EVL: variants seen among roughly 807,000 people sequenced by gnomAD.
The protein encoded by EVL is Enah/Vasp-like, also known as ena/VASP-like protein.
EVL carries 21 observed loss-of-function variants against 59.6 expected under a neutral mutation model. That is an observed-to-expected ratio of 0.35 (90% confidence interval 0.25 to 0.51). The LOEUF (loss-of-function observed/expected upper bound fraction) is 0.51. Among genes scored for constraint, EVL ranks in the 20% least tolerant of loss-of-function variants. EVL has a pLI of 0.97. For synonymous variants in EVL, 198 were observed against 203.5 expected (o/e 0.97, Z 0.23); for missense variants, 462 against 546.6 (o/e 0.85, Z 1.54).
At chr14:100,041,707 T>C (rs915630313) in intron 1 of EVL, among the ~76,000 whole-genome samples, 2 of 152,256 alleles carry the variant, frequency 1.3e-5, no homozygotes, top group Admixed American at 6.5e-5. Flanking sequence ...ATATTTTCAG[T>C]TGGGTATTGC....
chr14:100,071,863 C>T (rs955932828), intron 1 of EVL, among the ~76,000 whole-genome samples: 3 of 152,144 alleles, frequency 2.0e-5, no homozygotes, highest in African/African-American at 7.2e-5. Flanking sequence ...TGGGAACCTA[C>T]TTCTCACAGG....
intron 1 of EVL, among the ~76,000 whole-genome samples, chr14:100,077,217 A>G (rs1337368989): frequency 6.6e-6 from 1 of 152,190 alleles, no homozygotes; most frequent in Non-Finnish European, 1.5e-5. Flanking sequence ...TCTAAAATAA[A>G]TAACAAGGGC....
At chr14:100,103,465 C>T (rs1272993525) in intron 3 of EVL, among the ~76,000 whole-genome samples, 1 of 152,132 alleles carries the variant, frequency 6.6e-6, no homozygotes, top group Non-Finnish European at 1.5e-5. Flanking sequence ...AAGCTTTCCT[C>T]CTCCTTCAAC....
chr14:100,062,461 TAGAG>T (rs531633456), upstream of EVL, among the ~76,000 whole-genome samples: 644 of 148,938 alleles, frequency 4.3e-3, 7 homozygotes, highest in Non-Finnish European at 7.0e-3. Flanking sequence ...AAAAAGTCAA[TAGAG>T]AAATTCAAAT....
intron 1 of EVL, among the ~76,000 whole-genome samples, chr14:100,006,319 C>T (rs1447641645): frequency 5.4e-4 from 72 of 132,506 alleles, no homozygotes; most frequent in Admixed American, 2.8e-3. Flanking sequence ...GAGTTTCGTT[C>T]TGTCGCCCAG....
At chr14:100,067,016 G>C (rs910007919) in intron 1 of EVL, among the ~76,000 whole-genome samples, 3 of 152,222 alleles carry the variant, frequency 2.0e-5, no homozygotes, top group African/African-American at 7.2e-5. Context: ...TGAGTGCGCA[G>C]ATCAGGAAAT....
rs2061562161 is a variant in EVL at position 100,047,113 on chromosome 14, TCTC to T, written c.6-37573_6-37571del. Reference sequence around the variant, plus strand: ...TATTTTGAGACCTTGGGCAGATCTCTCTCTCTTTTTTTTTTTTTTTTTTTTTTT... The same window carrying T: ...TATTTTGAGACCTTGGGCAGATCTCTTCTTTTTTTTTTTTTTTTTTTTTTT... On this transcript the variant is annotated intron_variant, in intron 1 of 13. Coordinates refer to the EVL transcript ENST00000402714. 6.2e-5 allele frequency among the ~76,000 whole-genome samples: 2 copies of T among 32,162 alleles called. 1 individual carries two copies. Among genetic ancestry groups the T allele is most frequent in the Non-Finnish European group, 1.6e-4 (2 of 12,760 alleles). The allele number at this position is 32,162 out of a possible 152,430, so 21.1% of individuals were successfully genotyped here. A position where few individuals can be genotyped will look rare whatever the true frequency, so the allele number is the denominator to read the frequency against.
At chr14:100,003,381 C>T (rs2060958148) in intron 1 of EVL, among the ~76,000 whole-genome samples, 1 of 152,102 alleles carries the variant, frequency 6.6e-6, no homozygotes, top group South Asian at 2.1e-4. Flanking sequence ...CAGAAAGATA[C>T]ATGGATGTAA....
At chr14:100,025,210 A>G (rs1226533320) in intron 1 of EVL, among the ~76,000 whole-genome samples, 1 of 152,190 alleles carries the variant, frequency 6.6e-6, no homozygotes, top group East Asian at 1.9e-4. Context: ...ACTGAGAGTG[A>G]GAGCACAAGC....
At chr14:99,977,739 A>G (rs2060780017) in intron 1 of EVL, among the ~76,000 whole-genome samples, 2 of 151,882 alleles carry the variant, frequency 1.3e-5, no homozygotes, top group South Asian at 4.2e-4. Context: ...TGGCCAGAAC[A>G]TTTAATTTTT....
chr14:100,015,907 C>T (rs888769763), intron 1 of EVL, among the ~76,000 whole-genome samples: 3 of 151,644 alleles, frequency 2.0e-5, no homozygotes, highest in Non-Finnish European at 4.4e-5. Context: ...CCTGTCTCTA[C>T]TAAAAATAAA....
intron 3 of EVL, among the ~76,000 whole-genome samples, chr14:100,098,540 G>C (rs1450641456): frequency 5.3e-5 from 8 of 152,204 alleles, no homozygotes; most frequent in African/African-American, 1.7e-4. Flanking sequence ...CATTGGGAGA[G>C]GGGCTAGCAA....
intron 1 of EVL, among the ~76,000 whole-genome samples, chr14:100,039,418 G>A (rs1374082870): frequency 1.3e-5 from 2 of 152,010 alleles, no homozygotes; most frequent in African/African-American, 2.4e-5. Context: ...TGTATTTTTG[G>A]TAGAGACAGG....
chr14:100,133,144 C>T (rs1321062896), intron 8 of EVL, among the ~76,000 whole-genome samples: 1 of 152,188 alleles, frequency 6.6e-6, no homozygotes, highest in Non-Finnish European at 1.5e-5. Context: ...GGCACGTCTG[C>T]CAGAAGCCCA....
chr14:100,132,862 C>T (rs1207180684), intron 8 of EVL, 83 bp downstream of exon 8: 4 of 1,497,590 alleles, frequency 2.7e-6, no homozygotes, highest in South Asian at 1.1e-5. Flanking sequence ...TCAGGCGAGG[C>T]CTTTGGGACA....
chr14:100,095,040 A>G (rs1274910774), intron 2 of EVL, among the ~76,000 whole-genome samples: 1 of 150,346 alleles, frequency 6.7e-6, no homozygotes, highest in Non-Finnish European at 1.5e-5. Context: ...GACTCCGTCT[A>G]AAAAAACAAA....
At chr14:99,989,395 A>C (rs2060861352) in intron 1 of EVL, among the ~76,000 whole-genome samples, 1 of 152,214 alleles carries the variant, frequency 6.6e-6, no homozygotes, top group Admixed American at 6.5e-5. Context: ...TCTACCTCTT[A>C]AAATGTCTCC....
chr14:100,121,228 C>G (rs745913199), intron 3 of EVL, among the ~76,000 whole-genome samples: 8 of 152,192 alleles, frequency 5.3e-5, no homozygotes, highest in Non-Finnish European at 1.0e-4. Context: ...CAAGGGGCTG[C>G]TGCTTGGAGC....
intron 1 of EVL, among the ~76,000 whole-genome samples, chr14:100,012,730 C>T (rs561220844): frequency 1.3e-5 from 2 of 152,208 alleles, no homozygotes; most frequent in South Asian, 4.2e-4. Flanking sequence ...GGCTTATGGT[C>T]CTGGTGGTGG....
Sources: gnomAD v4.1 joint callset for allele counts (sites outside exome capture counted in the v4.1 genomes callset) on GRCh38, gnomAD v4.1.1 for gene constraint, MANE v1.5 for transcripts, NCBI Gene and HGNC (gene_info 2026-07-23, HGNC 2026-07-21) for gene names.